The following POLR1D variants were observed in gnomAD, a reference collection of about 807,000 sequenced individuals.
POLR1D encodes RNA polymerase I and III subunit D.
Under a neutral mutation model 10.8 loss-of-function variants are expected in POLR1D, and 8 were observed. The ratio of observed to expected loss-of-function variants is 0.74; its 90% confidence interval spans 0.43 to 1.33. The LOEUF (loss-of-function observed/expected upper bound fraction) is 1.33. Ranked by LOEUF, POLR1D falls within the 40% of genes most tolerant of loss-of-function variation. POLR1D has a pLI of 0.01. For synonymous variants in POLR1D, 54 were observed against 57.2 expected, an observed-to-expected ratio of 0.94 and a Z score of 0.25; for missense variants, 152 against 161.7, an observed-to-expected ratio of 0.94 and a Z score of 0.32.
intron 2 of POLR1D, chr13:27,650,856 T>G (rs897678745): frequency 6.6e-6 from 1 of 152,186 alleles, no homozygotes; most frequent in African/African-American, 2.4e-5. Flanking sequence ...GTAGTCCCTT[T>G]TATAGGATGC....
At chr13:27,635,749 A>ATATAT (rs200120452) in intron 1 of POLR1D, among the ~76,000 whole-genome samples, 1 of 144,124 alleles carries the variant, frequency 6.9e-6, no homozygotes, top group East Asian at 2.0e-4. Flanking sequence ...TATATATATA[A>ATATAT]ATTGTATTTA....
intron 2 of POLR1D, among the ~76,000 whole-genome samples, chr13:27,649,731 G>A (rs1956249962): frequency 6.6e-6 from 1 of 152,196 alleles, no homozygotes; most frequent in Middle Eastern, 3.2e-3. Context: ...TCTCTTCACA[G>A]AAAAGGTCTA....
chr13:27,645,887 AG>A (rs1417037865), intron 1 of POLR1D, among the ~76,000 whole-genome samples: 1 of 152,222 alleles, frequency 6.6e-6, no homozygotes, highest in African/African-American at 2.4e-5. Context: ...GACAGTTTTA[AG>A]TAGAATCGAA....
intron 1 of POLR1D, among the ~76,000 whole-genome samples, chr13:27,638,512 T>G (rs1956146584): frequency 6.6e-6 from 1 of 152,236 alleles, no homozygotes; most frequent in African/African-American, 2.4e-5. Context: ...CTACACATTC[T>G]AGAACTTTCT....
At chr13:27,624,871 G>A (rs986715297), downstream of POLR1D, among the ~76,000 whole-genome samples, 8 of 152,184 alleles carry the variant, frequency 5.3e-5, no homozygotes, top group African/African-American at 1.9e-4. Context: ...CTGGGTGACA[G>A]AGGGAGACCT....
rs142807905 is a variant in POLR1D, at chr13:27,659,906, GTATA to G, written c.102-5763_102-5760del. Among the ~76,000 whole-genome samples, 486 of 145,156 alleles carry G rather than the reference GTATA, an allele frequency of 3.3e-3. 6 individuals are homozygous for G. Among genetic ancestry groups the G allele is most frequent in the African/African-American group, 0.012 (466 of 37,984 alleles). On this transcript the variant is annotated intron_variant, in intron 2 of 2. Transcript: ENST00000399697. ...GCATAATGCGTTGCATATCTCAGGT[GTATA>G]TATATATATATATATACACACACAT...
At chr13:27,659,742 G>A (rs372983822) in intron 2 of POLR1D, among the ~76,000 whole-genome samples, 23 of 152,200 alleles carry the variant, frequency 1.5e-4, no homozygotes, top group African/African-American at 5.5e-4. Flanking sequence ...TTATAGCCTT[G>A]CAAACTGTCT....
intron 2 of POLR1D, among the ~76,000 whole-genome samples, chr13:27,652,904 A>C (rs1341901693): frequency 7.6e-6 from 1 of 132,438 alleles, no homozygotes; most frequent in Non-Finnish European, 1.6e-5. Context: ...AGTTGCATTT[A>C]CCATTTCTTT....
chr13:27,644,653 A>G (rs1272649048), intron 1 of POLR1D, among the ~76,000 whole-genome samples: 1 of 152,224 alleles, frequency 6.6e-6, no homozygotes, highest in Non-Finnish European at 1.5e-5. Flanking sequence ...TTACAAAGAA[A>G]CCTTCAAGAT....
At chr13:27,620,770 A>C (rs565382779), upstream of POLR1D, 40 of 152,282 alleles carry the variant, frequency 2.6e-4, no homozygotes, top group African/African-American at 8.7e-4. Context: ...CGCCTCCCCC[A>C]CTCGCCCCGG....
At chr13:27,636,749 AT>A (rs1437190344) in intron 1 of POLR1D, among the ~76,000 whole-genome samples, 1 of 152,140 alleles carries the variant, frequency 6.6e-6, no homozygotes, top group Non-Finnish European at 1.5e-5. Context: ...ATCTCTCAGA[AT>A]TTTCCCCTGC....
chr13:27,625,245 G>A (rs1305194590), downstream of POLR1D, among the ~76,000 whole-genome samples: 1 of 152,136 alleles, frequency 6.6e-6, no homozygotes, highest in Non-Finnish European at 1.5e-5. Context: ...TGGGAATGAC[G>A]TCTTCTTTAC....
At chr13:27,621,759 C>T, upstream of POLR1D, 1 of 368,038 alleles carries the variant, frequency 2.7e-6, no homozygotes, top group East Asian at 4.3e-5. Context: ...CGCGGGGCCG[C>T]GAGCCACCGC....
chr13:27,624,828 C>A (rs1030421213), downstream of POLR1D, among the ~76,000 whole-genome samples: 1 of 152,100 alleles, frequency 6.6e-6, no homozygotes, highest in Admixed American at 6.5e-5. Context: ...GTTGAGGCTG[C>A]AATGAGCCAT....
At chr13:27,656,324 AAAG>A (rs1388981082) in intron 2 of POLR1D, among the ~76,000 whole-genome samples, 1 of 152,220 alleles carries the variant, frequency 6.6e-6, no homozygotes, top group East Asian at 1.9e-4. Flanking sequence ...CAGTTTATAA[AAAG>A]AAAACCATAT....
Position 27,623,396 on chromosome 13 carries a change from G to A in POLR1D, c.*146G>A. 2.0e-6 allele frequency: 3 copies of A among 1,484,740 alleles called. No homozygotes were observed. Among genetic ancestry groups the A allele is most frequent in the Non-Finnish European group, 1.8e-6 (2 of 1,118,812 alleles). The allele number at this position is 1,484,740 out of a possible 1,614,324, so 92.0% of individuals were successfully genotyped here. On this transcript the variant is annotated 3_prime_UTR_variant, in exon 2 of 2. Transcript: ENST00000302979. ...AGCTGTTGACCCCTTGCAGCTGTTG[G>A]AATCTCTGCAAGAACCTCTGTATTC...
chr13:27,644,284 A>C (rs1298556202), intron 1 of POLR1D, among the ~76,000 whole-genome samples: 2 of 152,244 alleles, frequency 1.3e-5, no homozygotes, highest in Non-Finnish European at 2.9e-5. Flanking sequence ...ACACTGGAAC[A>C]GTTAACCCTC....
At chr13:27,628,781 A>T (rs1956043643) in intron 1 of POLR1D, among the ~76,000 whole-genome samples, 1 of 152,146 alleles carries the variant, frequency 6.6e-6, no homozygotes, top group East Asian at 1.9e-4. Context: ...CGATTGGCTG[A>T]TACATGTATG....
At chr13:27,660,745 C>G (rs1454996489) in intron 2 of POLR1D, 1 of 152,342 alleles carries the variant, frequency 6.6e-6, no homozygotes, top group Non-Finnish European at 1.5e-5. Flanking sequence ...TGCAGTGAGT[C>G]TTTCTCTGCT....
Sources: gnomAD v4.1 joint callset for allele counts (sites outside exome capture counted in the v4.1 genomes callset) on GRCh38, gnomAD v4.1.1 for gene constraint, MANE v1.5 for transcripts, NCBI Gene and HGNC (gene_info 2026-07-23, HGNC 2026-07-21) for gene names.